The following FHL1 variants were observed in gnomAD, a reference collection of about 807,000 sequenced individuals.
FHL1 encodes the protein four and a half LIM domains 1.
FHL1 carries 1 observed loss-of-function variant against 20.3 expected under a neutral mutation model. The observed-to-expected ratio is 0.05, with a 90% CI of 0.02 to 0.23. The LOEUF (loss-of-function observed/expected upper bound fraction) is 0.23, where lower values mean the gene tolerates loss of function less well. Ranked by LOEUF, FHL1 falls within the 10% of genes least tolerant of loss-of-function variation. FHL1 has a pLI of 1.00. For synonymous variants in FHL1, 82 were observed against 88.9 expected (o/e 0.92, Z 0.44); for missense variants, 177 against 234.0 (o/e 0.76, Z 1.59).
At chrX:136,199,052 A>G (rs370411994) in intron 1 of FHL1, among the ~76,000 whole-genome samples, 3 of 111,854 alleles carry the variant, frequency 2.7e-5, no homozygotes, top group African/African-American at 9.8e-5. Flanking sequence ...CCAAATGACT[A>G]CCTACTACTT....
intron 5 of FHL1, chrX:136,209,096 GT>G: frequency 2.0e-6 from 1 of 498,283 alleles, no homozygotes; most frequent in Non-Finnish European, 3.2e-6. Context: ...CTGTTTATTT[GT>G]TTTTGCGATC....
intron 1 of FHL1, among the ~76,000 whole-genome samples, chrX:136,163,146 A>G (rs2072620367): frequency 8.9e-6 from 1 of 112,283 alleles, no homozygotes; most frequent in Non-Finnish European, 1.9e-5. Flanking sequence ...TCTCAATACC[A>G]TCACATTGTC....
rs775754663 is a variant in FHL1 at position 136,169,766 on chromosome X, C to T, written c.-101+33C>T. 340 of 329,103 alleles carry T rather than the reference C, an allele frequency of 1.0e-3. 1 individual carries two copies. The highest frequency in any genetic ancestry group is 1.6e-3 in the Non-Finnish European group (280 of 169,752). The allele number at this position is 329,103 out of a possible 1,213,427, so 27.1% of individuals were successfully genotyped here. A position where few individuals can be genotyped will look rare whatever the true frequency, so the allele number is the denominator to read the frequency against. ...GAACATCTTGGCAGTTTTCCTTTAA[C>T]TCTAAGGGTTGTAAATACAAAGTAG... is the stretch of plus-strand genomic sequence containing the variant. On this transcript the variant is annotated intron_variant, in intron 1 of 6. Transcript: ENST00000394153.
In FHL1 at chrX:136,156,534, G is replaced by A. The variant is rs183828188; in HGVS notation, c.-101+8906G>A. ...TGACATCAGGTGATCCGCCCTCCTC[G>A]GCCTCCCAAATTGCTGGGATTGCAG... On this transcript the variant is annotated intron_variant, in intron 1 of 7. Coordinates refer to the FHL1 transcript ENST00000394155. Among the ~76,000 whole-genome samples the A allele has an allele frequency of 3.3e-3, 369 of 111,011 alleles. 2 individuals carry two copies. Among genetic ancestry groups the A allele is most frequent in the African/African-American group, 0.011 (347 of 30,510 alleles).
At chrX:136,188,749 C>T (rs1045676277) in intron 2 of FHL1, among the ~76,000 whole-genome samples, 1 of 110,694 alleles carries the variant, frequency 9.0e-6, no homozygotes, top group Non-Finnish European at 1.9e-5. Flanking sequence ...GGGGGATTGA[C>T]CACAACGTGT....
chrX:136,170,568 C>T (rs924987867), intron 2 of FHL1, among the ~76,000 whole-genome samples: 3 of 111,387 alleles, frequency 2.7e-5, no homozygotes, highest in Non-Finnish European at 5.7e-5. Flanking sequence ...ACTGGATAAG[C>T]GTTCTCTGTC....
chrX:136,164,354 G>A (rs1019439907), intron 1 of FHL1, among the ~76,000 whole-genome samples: 1 of 108,880 alleles, frequency 9.2e-6, no homozygotes, highest in African/African-American at 3.3e-5. Flanking sequence ...TTACAGGCAC[G>A]CACCACCATG....
At chrX:136,178,483 C>A (rs969295171) in intron 2 of FHL1, among the ~76,000 whole-genome samples, 5 of 111,158 alleles carry the variant, frequency 4.5e-5, no homozygotes, top group African/African-American at 1.3e-4. Flanking sequence ...GTAGTCCCAG[C>A]TACTCAGGAG....
chrX:136,193,424 A>G (rs769903141), upstream of FHL1, among the ~76,000 whole-genome samples: 9 of 112,126 alleles, frequency 8.0e-5, no homozygotes, highest in East Asian at 2.5e-3. Flanking sequence ...TTGCAGTGTG[A>G]GAAATCCCAC....
At chrX:136,202,948 TGTGAC>T (rs975220510) in intron 1 of FHL1, among the ~76,000 whole-genome samples, 2 of 112,184 alleles carry the variant, frequency 1.8e-5, no homozygotes, top group Non-Finnish European at 3.8e-5. Context: ...TATACAAAAT[TGTGAC>T]GTGATCAGTA....
chrX:136,194,616 A>T (rs944191701), upstream of FHL1, among the ~76,000 whole-genome samples: 2 of 111,818 alleles, frequency 1.8e-5, no homozygotes, highest in African/African-American at 6.5e-5. Context: ...CCAATAGTAT[A>T]TAAAGGTGCG....
chrX:136,154,601 T>C (rs939152669), intron 1 of FHL1, among the ~76,000 whole-genome samples: 3 of 112,638 alleles, frequency 2.7e-5, no homozygotes, highest in African/African-American at 9.7e-5. Context: ...ATTTTAAAGA[T>C]TGCATCTGCT....
At chrX:136,179,178 G>T (rs1317847601) in intron 2 of FHL1, among the ~76,000 whole-genome samples, 2 of 112,005 alleles carry the variant, frequency 1.8e-5, no homozygotes, top group Non-Finnish European at 3.8e-5. Flanking sequence ...GAGAGTTTGT[G>T]TACATAATTG....
At chrX:136,149,877 T>C (rs1027568917) in intron 1 of FHL1, among the ~76,000 whole-genome samples, 8 of 112,206 alleles carry the variant, frequency 7.1e-5, no homozygotes, top group Non-Finnish European at 1.3e-4. Context: ...TTTACACTAT[T>C]GTATTATAAT....
In FHL1 at chrX:136,211,043, C is replaced by T. The variant is rs976853699; in HGVS notation, c.*1018C>T. On this transcript the variant is annotated 3_prime_UTR_variant, in exon 6 of 6. Transcript: ENST00000370683. ...CCTTGTAACGTAGTAGTTGTCTGCT[C>T]TTTGTCCATGTGTTAATGAGGACTG... is the stretch of plus-strand genomic sequence containing the variant. 2.7e-6 allele frequency: 1 copy of T among 376,340 alleles called. No individual in the cohort carries two copies. Among genetic ancestry groups the T allele is most frequent in the East Asian group, 5.8e-5 (1 of 17,391 alleles). The allele number at this position is 376,340 out of a possible 1,213,427, so 31.0% of individuals were successfully genotyped here. A position where few individuals can be genotyped will look rare whatever the true frequency, so the allele number is the denominator to read the frequency against.
chrX:136,163,391 A>C lies in FHL1; in HGVS notation c.-100-6516A>C, dbSNP rs950274675. On this transcript the variant is annotated intron_variant, in intron 1 of 7. Transcript: ENST00000394155. ...AAAGAAACTTGGCCTTTAGATTACA[A>C]TGGAGAAAGGTTTTTGGCAATGGGA... is the stretch of plus-strand genomic sequence containing the variant. Among the ~76,000 whole-genome samples, 13 of 112,143 alleles carry C rather than the reference A, an allele frequency of 1.2e-4. No homozygotes were observed. The Admixed American group carries it at 1.2e-3, about 11-fold the overall frequency.
upstream of FHL1, chrX:136,146,925 C>T (rs779268366): frequency 3.6e-4 from 118 of 327,488 alleles, no homozygotes; most frequent in Non-Finnish European, 6.4e-4. Flanking sequence ...GTGGGCCTTT[C>T]GGCGCCGCTG....
intron 2 of FHL1, chrX:136,182,572 ACT>A (rs921782123): frequency 9.0e-6 from 1 of 111,450 alleles, no homozygotes; most frequent in Non-Finnish European, 1.9e-5. Context: ...GTGCAAACAC[ACT>A]CTCTTGGCCC....
chrX:136,172,964 C>T (rs1326490821), intron 2 of FHL1, among the ~76,000 whole-genome samples: 1 of 112,534 alleles, frequency 8.9e-6, no homozygotes, highest in East Asian at 2.8e-4. Context: ...AACTCCTTAC[C>T]TCAAGTGATC....
Sources: allele counts gnomAD v4.1 joint callset (sites outside exome capture counted in the v4.1 genomes callset), GRCh38; gene constraint gnomAD v4.1.1; transcripts MANE v1.5; gene names NCBI Gene and HGNC (gene_info 2026-07-23, HGNC 2026-07-21).